Variants in FAS observed in about 807,000 individuals in gnomAD.
The protein encoded by FAS is Fas cell surface death receptor, also known as tumor necrosis factor receptor superfamily member 6.
Under a neutral mutation model 33.2 loss-of-function variants are expected in FAS, and 5 were observed. The observed-to-expected ratio is 0.15, with a 90% CI of 0.08 to 0.32. The LOEUF (loss-of-function observed/expected upper bound fraction) is 0.32. Among genes scored for constraint, FAS ranks in the 10% least tolerant of loss-of-function variants. The pLI, the probability that FAS is intolerant of heterozygous loss-of-function variation, is 1.00. For synonymous variants in FAS, 131 were observed against 130.7 expected (o/e 1.00, Z -0.01); for missense variants, 339 against 386.0 (o/e 0.88, Z 1.02).
chr10:89,012,138 AT>A, intron 7 of FAS, 57 bp downstream of exon 7: 1 of 1,462,658 alleles, frequency 6.8e-7, no homozygotes, highest in South Asian at 1.1e-5. Flanking sequence ...GAAATTAGTG[AT>A]TTGGCTTTTT....
intron 1 of FAS, among the ~76,000 whole-genome samples, chr10:88,999,848 T>C (rs1481551034): frequency 1.3e-5 from 2 of 152,216 alleles, no homozygotes; most frequent in Non-Finnish European, 2.9e-5. Context: ...GTGTGGTTAA[T>C]AAAGTACATT....
At position 89,014,477 on chromosome 10, in the gene FAS, A is replaced by G. The variant is rs1848692761; in HGVS notation, c.*27A>G. The G allele has an allele frequency of 6.3e-7, 1 of 1,590,420 alleles. No homozygotes were observed. Among genetic ancestry groups the G allele is most frequent in the African/African-American group, 1.3e-5 (1 of 74,644 alleles). ...GTGAAAAACAACAAATTCAGTTCTG[A>G]GTATATGCAATTAGTGTTTGAAAAG... On this transcript the variant is annotated 3_prime_UTR_variant, in exon 9 of 9. Coordinates refer to ENST00000652046, the MANE Select transcript of FAS (RefSeq NM_000043.6).
At chr10:88,965,280 CCTTCTA>C (rs1285087518) in intron 1 of FAS, among the ~76,000 whole-genome samples, 1 of 152,082 alleles carries the variant, frequency 6.6e-6, no homozygotes, top group African/African-American at 2.4e-5. Flanking sequence ...GGCACCCTGC[CCTTCTA>C]CATATAGTAG....
At chr10:88,981,142 T>A (rs1483739176) in intron 2 of FAS, among the ~76,000 whole-genome samples, 1 of 151,636 alleles carries the variant, frequency 6.6e-6, no homozygotes, top group Non-Finnish European at 1.5e-5. Context: ...GTCCACAGGG[T>A]GTTCAGTGTG....
chr10:89,008,766 G>A (rs1848375216), intron 3 of FAS, 123 bp from the exon 4 acceptor site: 1 of 885,380 alleles, frequency 1.1e-6, no homozygotes, highest in Admixed American at 1.7e-5. Context: ...TATTACTGGT[G>A]TCATGCTGTG....
chr10:88,977,011 A>G (rs1207589222), intron 2 of FAS, among the ~76,000 whole-genome samples: 4 of 152,190 alleles, frequency 2.6e-5, no homozygotes, highest in Non-Finnish European at 5.9e-5. Flanking sequence ...ACATATCCCA[A>G]AGGAGAAGCT....
exon 2 of FAS, chr10:88,973,275 G>A: frequency 1.2e-6 from 2 of 1,612,264 alleles, no homozygotes; most frequent in Non-Finnish European, 1.7e-6. Flanking sequence ...CCCACTCTTG[G>A]GGATCTCTAG....
chr10:88,980,137 T>C (rs759187014), intron 2 of FAS, among the ~76,000 whole-genome samples: 1 of 152,184 alleles, frequency 6.6e-6, no homozygotes, highest in Non-Finnish European at 1.5e-5. Context: ...CCTTCTGGTC[T>C]GGACAGAAAT....
chr10:88,991,053 G>A, intron 1 of FAS, 147 bp downstream of exon 1: 2 of 1,023,364 alleles, frequency 2.0e-6, no homozygotes, highest in Non-Finnish European at 3.0e-6. Context: ...GGGAGGCGTT[G>A]GAGACTGGCT....
intron 1 of FAS, among the ~76,000 whole-genome samples, chr10:88,995,215 A>G (rs1847516037): frequency 6.6e-6 from 1 of 152,204 alleles, no homozygotes; most frequent in South Asian, 2.1e-4. Flanking sequence ...CACCAATTAA[A>G]TATCTTCAAT....
Position 89,014,540 on chromosome 10 carries a change from TA to T in FAS, c.*91del. On this transcript the variant is annotated 3_prime_UTR_variant, in exon 9 of 9. Transcript: ENST00000652046. ...TGGCTGTAAATACTGCTTGGTTTTT[TA>T]CTGGGTACATTTTATCATTTATTAG... is the stretch of plus-strand genomic sequence containing the variant. The T allele has an allele frequency of 8.3e-7, 1 of 1,204,602 alleles. No individual in the cohort carries two copies. The highest frequency in any genetic ancestry group is 1.2e-6 in the Non-Finnish European group (1 of 840,022). The allele number at this position is 1,204,602 out of a possible 1,614,324, so 74.6% of individuals were successfully genotyped here.
upstream of FAS, among the ~76,000 whole-genome samples, chr10:88,982,789 T>C (rs1846742901): frequency 6.6e-6 from 1 of 152,228 alleles, no homozygotes; most frequent in Admixed American, 6.5e-5. Context: ...AATATGTTTA[T>C]AATGAGATTA....
intron 1 of FAS, among the ~76,000 whole-genome samples, chr10:88,968,570 A>G (rs1846364868): frequency 6.6e-6 from 1 of 152,174 alleles, no homozygotes; most frequent in Admixed American, 6.5e-5. Flanking sequence ...GGTAGAGAGG[A>G]AGAGAAAATT....
In FAS at chr10:88,975,686, A is replaced by G. The variant is rs1239334173; in HGVS notation, n.260+2339A>G. ...GGTCAATGCTGCGCCTCCAGGTCATAAAACAGTGCCTGGCACATATTGGCC... is the reference window on the plus strand; with the variant it reads ...GGTCAATGCTGCGCCTCCAGGTCATGAAACAGTGCCTGGCACATATTGGCC... On this transcript the variant is annotated intron_variant and non_coding_transcript_variant, in intron 2 of 3. Transcript: ENST00000688239. Among the ~76,000 whole-genome samples, 4 of 152,228 alleles carry G rather than the reference A, an allele frequency of 2.6e-5. No homozygotes were observed. The East Asian group carries it at 7.7e-4, about 29-fold the overall frequency.
At chr10:88,980,795 G>A (rs6586160) in intron 2 of FAS, among the ~76,000 whole-genome samples, 116,876 of 152,122 alleles carry the variant, frequency 0.77, 45,454 homozygotes, top group African/African-American at 0.88. Context: ...AAAGAATGAG[G>A]TAGCTCAATT....
intron 1 of FAS, among the ~76,000 whole-genome samples, chr10:88,970,242 C>T (rs761260452): frequency 7.4e-4 from 113 of 152,282 alleles, no homozygotes; most frequent in Non-Finnish European, 1.0e-3. Context: ...GGTCTTTGGA[C>T]GTTTCCATCT....
chr10:88,970,536 G>C (rs1285765861), intron 1 of FAS, among the ~76,000 whole-genome samples: 1 of 152,150 alleles, frequency 6.6e-6, no homozygotes, highest in Non-Finnish European at 1.5e-5. Flanking sequence ...CTAGGAGGTA[G>C]GAAGAAGGAC....
rs577253682 is a variant in FAS, at chr10:88,975,621, C to T, written n.260+2274C>T. ...GGCCCTGACTACTTTTCCACTGGAT[C>T]GTAAGTTCCATGAGAGTAGGATTTT... On this transcript the variant is annotated intron_variant and non_coding_transcript_variant, in intron 2 of 3. Transcript: ENST00000688239. Among the ~76,000 whole-genome samples, 19 of 151,560 alleles carry T rather than the reference C, an allele frequency of 1.3e-4. No individual in the cohort carries two copies. In the East Asian group the frequency reaches 2.3e-3, roughly 19 times the overall value.
chr10:89,012,734 A>G (rs1313770161), intron 7 of FAS: 1 of 154,270 alleles, frequency 6.5e-6, no homozygotes, highest in South Asian at 2.0e-4. Flanking sequence ...TCCAAGCCTG[A>G]GCAAAGAGAT....
Sources: gnomAD v4.1 joint callset for allele counts (sites outside exome capture counted in the v4.1 genomes callset) on GRCh38, gnomAD v4.1.1 for gene constraint, MANE v1.5 for transcripts, NCBI Gene and HGNC (gene_info 2026-07-23, HGNC 2026-07-21) for gene names.